The following TAF3 variants were observed in gnomAD, a reference collection of about 807,000 sequenced individuals.
The protein encoded by TAF3 is transcription initiation factor TFIID subunit 3.
TAF3 carries 7 observed loss-of-function variants against 80.6 expected under a neutral mutation model. The observed-to-expected ratio is 0.09, with a 90% CI of 0.05 to 0.16. TAF3 has a LOEUF of 0.16. TAF3 is among the 10% of genes least tolerant of loss of function. The probability of loss-of-function intolerance (pLI) is 1.00; values close to 1 mark genes in which losing one functional copy is unlikely to be tolerated. For synonymous variants in TAF3, 444 were observed against 446.1 expected (o/e 1.00, Z 0.06); for missense variants, 921 against 1,140.2 (o/e 0.81, Z 2.77).
chr10:7,992,841 C>G (rs1831847815), intron 4 of TAF3, among the ~76,000 whole-genome samples: 1 of 152,174 alleles, frequency 6.6e-6, no homozygotes, highest in South Asian at 2.1e-4. Context: ...ATAGATTTAA[C>G]AGTTATCAAA....
intron 2 of TAF3, among the ~76,000 whole-genome samples, chr10:7,826,753 C>T (rs950392309): frequency 5.3e-5 from 8 of 152,090 alleles, no homozygotes; most frequent in African/African-American, 1.9e-4. Context: ...AAAACGTTCT[C>T]CTCTTCATAA....
chr10:8,001,147 C>T (rs941556910), intron 4 of TAF3, among the ~76,000 whole-genome samples: 3 of 152,178 alleles, frequency 2.0e-5, no homozygotes, highest in African/African-American at 7.2e-5. Flanking sequence ...GACCTTTACA[C>T]AGCTGTCTAA....
intron 4 of TAF3, among the ~76,000 whole-genome samples, chr10:7,999,435 AAAAGAAAGAAAG>A (rs1269950316): frequency 6.8e-6 from 1 of 147,608 alleles, no homozygotes; most frequent in Non-Finnish European, 1.5e-5. Flanking sequence ...TTAAAAAAAA[AAAAGAAAGAAAG>A]AAAGAAAGAA....
intron 2 of TAF3, among the ~76,000 whole-genome samples, chr10:7,846,400 T>A (rs1468729405): frequency 6.6e-6 from 1 of 152,238 alleles, no homozygotes; most frequent in African/African-American, 2.4e-5. Flanking sequence ...GATAGTTGCT[T>A]TATCTGCATT....
At chr10:7,875,114 T>C (rs1837302385) in intron 2 of TAF3, among the ~76,000 whole-genome samples, 1 of 152,182 alleles carries the variant, frequency 6.6e-6, no homozygotes. Flanking sequence ...AAACCAATCT[T>C]CATATTGATT....
chr10:7,958,751 G>A (rs918797601), intron 2 of TAF3, among the ~76,000 whole-genome samples: 3 of 152,144 alleles, frequency 2.0e-5, no homozygotes, highest in Admixed American at 6.5e-5. Flanking sequence ...TTCCACGCGC[G>A]TTACTTATTC....
intron 4 of TAF3, among the ~76,000 whole-genome samples, chr10:7,992,593 TG>T (rs969775932): frequency 1.3e-5 from 2 of 148,610 alleles, no homozygotes; most frequent in African/African-American, 4.9e-5. Flanking sequence ...AATGGAGAAA[TG>T]TGAAGAAAAA....
intron 2 of TAF3, among the ~76,000 whole-genome samples, chr10:7,880,566 G>C (rs896953044): frequency 1.3e-5 from 2 of 152,140 alleles, no homozygotes; most frequent in African/African-American, 2.4e-5. Flanking sequence ...CTCTCTGCCT[G>C]TATGATAGAC....
At chr10:7,896,069 A>G (rs1276847087) in intron 2 of TAF3, among the ~76,000 whole-genome samples, 2 of 152,152 alleles carry the variant, frequency 1.3e-5, no homozygotes, top group Non-Finnish European at 2.9e-5. Flanking sequence ...TGGGTTACCA[A>G]TGATAGTTGA....
intron 2 of TAF3, among the ~76,000 whole-genome samples, chr10:7,861,668 C>A (rs974911673): frequency 5.9e-5 from 9 of 152,080 alleles, no homozygotes; most frequent in African/African-American, 2.2e-4. Context: ...AGTCAGACGT[C>A]ATTTGTCTTA....
At position 7,855,904 on chromosome 10, in the gene TAF3, G is replaced by A. The variant is rs1356791908; in HGVS notation, c.409+31344G>A. On this transcript the variant is annotated intron_variant, in intron 2 of 6. Coordinates refer to ENST00000344293, the MANE Select transcript of TAF3 (RefSeq NM_031923.4). ...TTGAGACCTGCCTGGCCAATATAGC[G>A]AGACCCCATTCTCCACAAAAAGGAA... is the stretch of plus-strand genomic sequence containing the variant. 3.4e-5 allele frequency among the ~76,000 whole-genome samples: 5 copies of A among 147,998 alleles called. No homozygotes were observed. In the East Asian group the frequency reaches 5.9e-4, roughly 18 times the overall value.
intron 3 of TAF3, among the ~76,000 whole-genome samples, chr10:7,972,172 C>T (rs1185130893): frequency 6.6e-6 from 1 of 152,094 alleles, no homozygotes; most frequent in East Asian, 1.9e-4. Context: ...TGAAGTCATC[C>T]TTTTGTTTGT....
intron 2 of TAF3, among the ~76,000 whole-genome samples, chr10:7,922,441 A>T (rs1837772054): frequency 6.6e-6 from 1 of 152,072 alleles, no homozygotes; most frequent in East Asian, 1.9e-4. Flanking sequence ...AACATAGATG[A>T]TTATCAAGTG....
At chr10:7,820,614 C>G (rs1181977870) in intron 1 of TAF3, among the ~76,000 whole-genome samples, 2 of 152,212 alleles carry the variant, frequency 1.3e-5, no homozygotes, top group Non-Finnish European at 2.9e-5. Flanking sequence ...CCCGCCTCAG[C>G]CTTCCAAGTA....
chr10:7,930,190 C>T (rs756476667), intron 2 of TAF3, among the ~76,000 whole-genome samples: 3 of 151,950 alleles, frequency 2.0e-5, no homozygotes, highest in East Asian at 1.9e-4. Context: ...AGAGTAGCAC[C>T]CTCTCAAAAC....
chr10:7,948,106 C>T lies in TAF3; in HGVS notation c.410-15814C>T, dbSNP rs747620434. Among the ~76,000 whole-genome samples the T allele has an allele frequency of 1.5e-4, 23 of 151,324 alleles. 1 individual carries two copies. Among genetic ancestry groups the T allele is most frequent in the African/African-American group, 4.4e-4 (18 of 41,166 alleles). On this transcript the variant is annotated intron_variant, in intron 2 of 6. Transcript: ENST00000344293. ...GAGACAGGGTCTCACTCTGTTGCCC[C>T]GGCTGGAACGCAGTGGTACGAACAT... is the stretch of plus-strand genomic sequence containing the variant.
At chr10:7,989,556 G>A (rs1471518395) in intron 4 of TAF3, among the ~76,000 whole-genome samples, 1 of 152,210 alleles carries the variant, frequency 6.6e-6, no homozygotes, top group Non-Finnish European at 1.5e-5. Context: ...GTAGTCAAAT[G>A]TAATATTGTT....
intron 4 of TAF3, among the ~76,000 whole-genome samples, chr10:8,006,244 T>C (rs1201066869): frequency 1.3e-5 from 2 of 149,502 alleles, no homozygotes; most frequent in African/African-American, 2.5e-5. Flanking sequence ...GGCGTGGTGG[T>C]GCATGCCTGT....
intron 2 of TAF3, among the ~76,000 whole-genome samples, chr10:7,863,329 G>A (rs917871924): frequency 6.6e-6 from 1 of 151,922 alleles, no homozygotes; most frequent in African/African-American, 2.4e-5. Context: ...AAGAATATAA[G>A]GCTGGGCATG....
Sources: gnomAD v4.1 joint callset for allele counts (sites outside exome capture counted in the v4.1 genomes callset) on GRCh38, gnomAD v4.1.1 for gene constraint, MANE v1.5 for transcripts, NCBI Gene and HGNC (gene_info 2026-07-23, HGNC 2026-07-21) for gene names.